Variants in RARB observed in about 807,000 individuals in gnomAD.
RARB encodes the protein HBV-activated protein.
Under a neutral mutation model 51.9 loss-of-function variants are expected in RARB, and 17 were observed. That is an observed-to-expected ratio of 0.33 (90% CI 0.22 to 0.49). The LOEUF (loss-of-function observed/expected upper bound fraction) is 0.49. Ranked by LOEUF, RARB falls within the 20% of genes least tolerant of loss-of-function variation. RARB has a pLI of 0.99. For synonymous variants in RARB, 215 were observed against 195.4 expected (o/e 1.10, Z -0.84); for missense variants, 369 against 550.8 (o/e 0.67, Z 3.30).
intron 2 of RARB, among the ~76,000 whole-genome samples, chr3:25,468,963 T>C (rs1695570547): frequency 6.6e-6 from 1 of 152,244 alleles, no homozygotes; most frequent in South Asian, 2.1e-4. Flanking sequence ...CGTGATGGCG[T>C]GTCTTCTCCA....
chr3:25,111,793 G>T (rs1399223321), intron 3 of RARB, among the ~76,000 whole-genome samples: 1 of 151,930 alleles, frequency 6.6e-6, no homozygotes, highest in Admixed American at 6.6e-5. Context: ...TGGCCAGGCT[G>T]GTCTCGAACT....
At chr3:25,483,704 T>C (rs1347592628) in intron 2 of RARB, among the ~76,000 whole-genome samples, 1 of 152,162 alleles carries the variant, frequency 6.6e-6, no homozygotes, top group African/African-American at 2.4e-5. Flanking sequence ...GATGTGATTA[T>C]GAGTAAAACT....
chr3:25,176,606 G>T (rs918697747), intron 5 of RARB, among the ~76,000 whole-genome samples: 2 of 151,482 alleles, frequency 1.3e-5, no homozygotes, highest in African/African-American at 2.4e-5. Context: ...ATGTTGGCCA[G>T]AATAGTCTCG....
chr3:25,217,872 G>C (rs1701867817), intron 5 of RARB, among the ~76,000 whole-genome samples: 1 of 152,088 alleles, frequency 6.6e-6, no homozygotes. Context: ...TCTAGACCTA[G>C]CCATAGGCAA....
At chr3:25,421,403 CTTTTTTTTTTTT>C (rs766378555) in intron 5 of RARB, among the ~76,000 whole-genome samples, 7 of 72,374 alleles carry the variant, frequency 9.7e-5, no homozygotes, top group South Asian at 8.9e-4. Context: ...TTCTTCTTTT[CTTTTTTTTTTTT>C]TTTTTTTTTT....
At chr3:24,892,841 G>A (rs995137672) in intron 2 of RARB, among the ~76,000 whole-genome samples, 5 of 152,282 alleles carry the variant, frequency 3.3e-5, no homozygotes, top group South Asian at 2.1e-4. Context: ...ACATAATATA[G>A]GTATAGATGT....
chr3:25,059,076 TCTAA>T (rs375626991), intron 2 of RARB, among the ~76,000 whole-genome samples: 1,626 of 151,774 alleles, frequency 0.011, 29 homozygotes, highest in African/African-American at 0.038. Flanking sequence ...GTACAAGAAA[TCTAA>T]CTATACACAT....
At chr3:25,275,427 C>T (rs1703356876) in intron 5 of RARB, among the ~76,000 whole-genome samples, 1 of 152,170 alleles carries the variant, frequency 6.6e-6, no homozygotes, top group African/African-American at 2.4e-5. Context: ...GGCCACTGCA[C>T]TCCAGCCTAG....
rs544732644 is a variant in RARB at position 25,332,059 on chromosome 3, G to A, written c.179-129134G>A. Reference sequence around the variant, plus strand: ...TAGCTTACCAACCAAAAAAAGTTCAGGACCAGACGGATTCACAGCCAAATT... The same window carrying A: ...TAGCTTACCAACCAAAAAAAGTTCAAGACCAGACGGATTCACAGCCAAATT... On this transcript the variant is annotated intron_variant, in intron 5 of 11. Transcript: ENST00000383772. Among the ~76,000 whole-genome samples the A allele has an allele frequency of 5.3e-5, 8 of 152,240 alleles. No homozygotes were observed. In the East Asian group the frequency reaches 1.5e-3, roughly 29 times the overall value.
intron 5 of RARB, chr3:25,258,980 G>T: frequency 3.1e-6 from 3 of 966,772 alleles, no homozygotes; most frequent in Non-Finnish European, 3.7e-6. Context: ...CTCAGCCTGA[G>T]TTTTGCTGGG....
intron 3 of RARB, among the ~76,000 whole-genome samples, chr3:25,103,625 G>T (rs1158359097): frequency 6.6e-6 from 1 of 152,112 alleles, no homozygotes; most frequent in East Asian, 1.9e-4. Flanking sequence ...GAATAGAGCT[G>T]GAAACAATAC....
In RARB at chr3:25,428,724, G is replaced by A. The variant is rs1343323045; in HGVS notation, c.-8G>A. 1.2e-6 allele frequency: 2 copies of A among 1,612,988 alleles called. No homozygotes were observed. The highest frequency in any genetic ancestry group is 1.7e-6 in the Non-Finnish European group (2 of 1,179,146). On this transcript the variant is annotated 5_prime_UTR_variant, in exon 1 of 8. Transcript: ENST00000330688. ...GCACTTTTGCAGACATTCAGTGCAA[G>A]GGAGATCATGTTTGACTGTATGGAT...
chr3:25,053,613 GA>G (rs1453754414), intron 2 of RARB, among the ~76,000 whole-genome samples: 1 of 152,166 alleles, frequency 6.6e-6, no homozygotes, highest in African/African-American at 2.4e-5. Flanking sequence ...CAACACTTTT[GA>G]AAGTGGCTTG....
At chr3:25,339,665 C>G (rs1237831520) in intron 5 of RARB, among the ~76,000 whole-genome samples, 1 of 151,434 alleles carries the variant, frequency 6.6e-6, no homozygotes, top group African/African-American at 2.4e-5. Context: ...AACACATACA[C>G]CCACAAAGGC....
intron 5 of RARB, among the ~76,000 whole-genome samples, chr3:25,279,845 T>A (rs1446600476): frequency 1.3e-5 from 2 of 152,166 alleles, no homozygotes; most frequent in South Asian, 4.1e-4. Context: ...TTATACATCC[T>A]GTGTCAGTGG....
At chr3:25,111,640 A>G (rs1274527567) in intron 3 of RARB, among the ~76,000 whole-genome samples, 1 of 131,908 alleles carries the variant, frequency 7.6e-6, no homozygotes, top group Non-Finnish European at 1.5e-5. Flanking sequence ...ATGCACTGGC[A>G]CAATCTCAGC....
intron 2 of RARB, among the ~76,000 whole-genome samples, chr3:24,970,820 A>C (rs903615266): frequency 6.6e-6 from 1 of 150,492 alleles, no homozygotes; most frequent in South Asian, 2.1e-4. Flanking sequence ...TGTCTTACCT[A>C]CTCTAAATTC....
At chr3:24,938,152 T>C (rs1327244206) in intron 2 of RARB, among the ~76,000 whole-genome samples, 4 of 152,150 alleles carry the variant, frequency 2.6e-5, no homozygotes, top group Non-Finnish European at 5.9e-5. Flanking sequence ...AATGGTAAGA[T>C]GAAAGAAGGG....
At chr3:25,334,210 T>C (rs1267000287) in intron 5 of RARB, among the ~76,000 whole-genome samples, 2 of 152,188 alleles carry the variant, frequency 1.3e-5, no homozygotes, top group East Asian at 3.9e-4. Context: ...ATCATGCTGC[T>C]ATAAAGACAC....
Sources: allele counts gnomAD v4.1 joint callset (sites outside exome capture counted in the v4.1 genomes callset), GRCh38; gene constraint gnomAD v4.1.1; transcripts MANE v1.5; gene names NCBI Gene and HGNC (gene_info 2026-07-23, HGNC 2026-07-21).